Variants in PLEKHA5 observed in about 807,000 individuals in gnomAD.
PLEKHA5 encodes pleckstrin homology domain-containing family A member 5.
PLEKHA5 carries 55 observed loss-of-function variants against 181.9 expected under a neutral mutation model. That is an observed-to-expected ratio of 0.30 (90% CI 0.24 to 0.38). The LOEUF is 0.38. PLEKHA5 is among the 10% of genes least tolerant of loss of function. The probability of loss-of-function intolerance (pLI) is 1.00; values close to 1 mark genes in which losing one functional copy is unlikely to be tolerated. For synonymous variants in PLEKHA5, 535 were observed against 529.4 expected (o/e 1.01, Z -0.15); for missense variants, 1,432 against 1,549.5 (o/e 0.92, Z 1.27).
At chr12:19,279,479 A>G (rs1476664489) in intron 11 of PLEKHA5, among the ~76,000 whole-genome samples, 1 of 152,024 alleles carries the variant, frequency 6.6e-6, no homozygotes, top group Non-Finnish European at 1.5e-5. Context: ...CCTGGCCAAC[A>G]TGGTGAAACC....
chr12:19,283,828 A>T, intron 12 of PLEKHA5, 83 bp downstream of exon 12: 1 of 827,226 alleles, frequency 1.2e-6, no homozygotes. Flanking sequence ...TAAATGTGAG[A>T]GACAAAAGAA....
At chr12:19,247,942 AG>A (rs2064201421) in intron 3 of PLEKHA5, among the ~76,000 whole-genome samples, 1 of 151,388 alleles carries the variant, frequency 6.6e-6, no homozygotes, top group East Asian at 1.9e-4. Flanking sequence ...AAAAAGAGAG[AG>A]AGAGAGAGAG....
Position 19,274,879 on chromosome 12 carries a change from A to G in PLEKHA5, c.1209A>G (p.Leu403=), listed in dbSNP as rs1000634685. 7 of 1,613,854 alleles carry G rather than the reference A, an allele frequency of 4.3e-6. No homozygotes were observed. The African/African-American group carries it at 8.0e-5, about 18-fold the overall frequency. ...GAAATCGCCCCAATACAGGGCCCTT[A>G]TACACAGAGGCCGATCGAGTCATAC... The part of the protein sequence containing the change: ...RGGNRPNTGP[L]YTEADRVIQR... Residue 403 remains leucine (L), a synonymous_variant, in exon 11 of 32, where the codon TTA becomes TTG. Coordinates refer to ENST00000429027, the MANE Select transcript of PLEKHA5 (RefSeq NM_001256470.2).
intron 7 of PLEKHA5, among the ~76,000 whole-genome samples, chr12:19,261,740 TTAA>T: frequency 6.6e-6 from 1 of 152,326 alleles, no homozygotes; most frequent in East Asian, 1.9e-4. Flanking sequence ...CAAGCCATAA[TTAA>T]TAATTTATGA....
chr12:19,236,164 C>G (rs1245824605), intron 3 of PLEKHA5, among the ~76,000 whole-genome samples: 1 of 152,176 alleles, frequency 6.6e-6, no homozygotes, highest in Non-Finnish European at 1.5e-5. Flanking sequence ...TAAATACCAA[C>G]AAACTCTGGT....
At chr12:19,308,178 C>G (rs551816684) in intron 15 of PLEKHA5, among the ~76,000 whole-genome samples, 1 of 139,952 alleles carries the variant, frequency 7.1e-6, no homozygotes, top group Admixed American at 7.2e-5. Flanking sequence ...ACTGGTGATT[C>G]ACTAGGAGAA....
At chr12:19,204,463 G>C (rs1434513729) in intron 3 of PLEKHA5, among the ~76,000 whole-genome samples, 2 of 152,052 alleles carry the variant, frequency 1.3e-5, no homozygotes, top group African/African-American at 4.8e-5. Context: ...GAGCAGAGGA[G>C]AAAACTTCTT....
chr12:19,219,426 T>A (rs938758090), intron 3 of PLEKHA5, among the ~76,000 whole-genome samples: 1 of 152,118 alleles, frequency 6.6e-6, no homozygotes, highest in African/African-American at 2.4e-5. Flanking sequence ...TGAATATATG[T>A]GTGTGTATGT....
chr12:19,130,166 G>A lies in PLEKHA5; in HGVS notation c.169+36G>A, dbSNP rs535984084. The A allele has an allele frequency of 1.2e-4, 164 of 1,413,714 alleles. No homozygotes were observed. In the Middle Eastern group the frequency reaches 2.5e-3, roughly 22 times the overall value. 87.6% of individuals were successfully genotyped at this position (1,413,714 alleles called of 1,614,324 possible). On this transcript the variant is annotated intron_variant, in intron 2 of 31. Transcript: ENST00000429027. This position sits in a 1 kb window ranked among gnomAD's most constrained non-coding sequence, Gnocchi z 4.5. Reference sequence around the variant, plus strand: ...GCCCAAACGGAGTTGGGCTCCGCCTGGAGGAGGCGGCAGAGCCCGGGCCGC... The same window carrying A: ...GCCCAAACGGAGTTGGGCTCCGCCTAGAGGAGGCGGCAGAGCCCGGGCCGC...
At chr12:19,330,201 A>G (rs2092706304) in intron 20 of PLEKHA5, among the ~76,000 whole-genome samples, 1 of 152,322 alleles carries the variant, frequency 6.6e-6, no homozygotes, top group South Asian at 2.1e-4. Context: ...TTTCTTTGAG[A>G]TGAGAAGTTA....
At position 19,208,111 on chromosome 12, in the gene PLEKHA5, A is replaced by G. The variant is rs140271073; in HGVS notation, c.228-45829A>G. ...GTGTTAGTCACAAAGTAGGCATTCA[A>G]TAAATGTTTATCTAGGCCAGGTGTG... On this transcript the variant is annotated intron_variant, in intron 3 of 31. Transcript: ENST00000429027. Among the ~76,000 whole-genome samples, 59 of 152,246 alleles carry G rather than the reference A, an allele frequency of 3.9e-4. No homozygotes were observed. In the East Asian group the frequency reaches 8.1e-3, roughly 21 times the overall value.
chr12:19,345,592 CATCTCTACTAAAA>C (rs1403267340), intron 22 of PLEKHA5, among the ~76,000 whole-genome samples: 1 of 151,668 alleles, frequency 6.6e-6, no homozygotes. Flanking sequence ...GGTGAAACCC[CATCTCTACTAAAA>C]ATAAAAAAAA....
intron 3 of PLEKHA5, among the ~76,000 whole-genome samples, chr12:19,211,221 A>G (rs1338494209): frequency 6.6e-6 from 1 of 152,158 alleles, no homozygotes; most frequent in Non-Finnish European, 1.5e-5. Flanking sequence ...ACCAAGTTGA[A>G]TAATACTCCC....
intron 3 of PLEKHA5, among the ~76,000 whole-genome samples, chr12:19,184,882 G>A (rs920537935): frequency 1.3e-5 from 2 of 152,104 alleles, no homozygotes; most frequent in African/African-American, 4.8e-5. Flanking sequence ...GTAGAACTCC[G>A]CTAATGCAGG....
chr12:19,158,486 G>T (rs2042279504), intron 3 of PLEKHA5, among the ~76,000 whole-genome samples: 1 of 152,182 alleles, frequency 6.6e-6, no homozygotes, highest in Admixed American at 6.5e-5. Flanking sequence ...TGTACTTTCA[G>T]TACATTCCGT....
chr12:19,132,722 G>A (rs933042847), intron 3 of PLEKHA5, among the ~76,000 whole-genome samples: 13 of 139,364 alleles, frequency 9.3e-5, no homozygotes, highest in African/African-American at 3.1e-4. Flanking sequence ...TTGTATCTTC[G>A]TTTTTTTCTT....
At chr12:19,343,283 T>C (rs770766972) in intron 21 of PLEKHA5, 40 bp from the exon 22 acceptor site, 69 of 1,189,722 alleles carry the variant, frequency 5.8e-5, no homozygotes, top group Non-Finnish European at 7.3e-5. Flanking sequence ...CAGTGAATGA[T>C]TTTTTTTCTT....
chr12:19,306,527 A>T, intron 15 of PLEKHA5: 1 of 740,582 alleles, frequency 1.4e-6, no homozygotes, highest in Non-Finnish European at 2.5e-6. Flanking sequence ...CAGGAGGGAG[A>T]ACGCCGCGAG....
chr12:19,223,692 C>G (rs1432388197), intron 3 of PLEKHA5, among the ~76,000 whole-genome samples: 1 of 152,150 alleles, frequency 6.6e-6, no homozygotes, highest in South Asian at 2.1e-4. Context: ...TAGAGTCCCT[C>G]TCTGTTCTTT....
Sources: allele counts gnomAD v4.1 joint callset (sites outside exome capture counted in the v4.1 genomes callset), GRCh38; gene constraint gnomAD v4.1.1; non-coding constraint Gnocchi (gnomAD v3.1); transcripts MANE v1.5; gene names NCBI Gene and HGNC (gene_info 2026-07-23, HGNC 2026-07-21).